The following CADM1 variants were observed in gnomAD, a reference collection of about 807,000 sequenced individuals.
CADM1 encodes the protein cell adhesion molecule 1.
In CADM1, 15 loss-of-function variants were observed where a neutral mutation model predicts 53.1. The observed-to-expected ratio is 0.28, with a 90% CI of 0.19 to 0.44. The LOEUF is 0.44. Among genes scored for constraint, CADM1 ranks in the 20% least tolerant of loss-of-function variants. The probability of loss-of-function intolerance (pLI) is 1.00; values close to 1 mark genes in which losing one functional copy is unlikely to be tolerated. For missense variants in CADM1, 434 were observed against 611.3 expected (o/e 0.71, Z 3.06); for synonymous variants, 281 against 243.0 (o/e 1.16, Z -1.45).
chr11:115,357,192 C>G (rs960797268), intron 1 of CADM1, among the ~76,000 whole-genome samples: 9 of 152,156 alleles, frequency 5.9e-5, no homozygotes, highest in African/African-American at 2.2e-4. Flanking sequence ...GAAGCCCAGG[C>G]TCCCCCAAAG....
chr11:115,308,000 G>T (rs1362384849), intron 1 of CADM1, among the ~76,000 whole-genome samples: 5 of 151,624 alleles, frequency 3.3e-5, no homozygotes. Flanking sequence ...ATAAAGATCT[G>T]CTACTTCTGA....
intron 1 of CADM1, among the ~76,000 whole-genome samples, chr11:115,293,672 A>T (rs1212252761): frequency 6.6e-6 from 1 of 152,174 alleles, no homozygotes; most frequent in Non-Finnish European, 1.5e-5. Flanking sequence ...AGACAACCAC[A>T]GTAGTTTTTG....
At chr11:115,242,538 C>T (rs1942275387) in intron 1 of CADM1, among the ~76,000 whole-genome samples, 3 of 151,956 alleles carry the variant, frequency 2.0e-5, no homozygotes, top group Admixed American at 1.3e-4. Context: ...GAAAAGCTAC[C>T]ACTCTCACAG....
chr11:115,208,089 C>T (rs1369029298), intron 8 of CADM1, among the ~76,000 whole-genome samples: 1 of 152,138 alleles, frequency 6.6e-6, no homozygotes, highest in Non-Finnish European at 1.5e-5. Flanking sequence ...ACTGAGTTTA[C>T]TTAAGTTTAC....
intron 10 of CADM1, among the ~76,000 whole-genome samples, chr11:115,182,943 C>G (rs1363319653): frequency 2.0e-5 from 3 of 152,166 alleles, no homozygotes; most frequent in African/African-American, 7.2e-5. Context: ...TTAAGTTGGC[C>G]ACTACTGCTT....
intron 1 of CADM1, among the ~76,000 whole-genome samples, chr11:115,413,050 T>C (rs759018007): frequency 6.6e-6 from 1 of 152,186 alleles, no homozygotes; most frequent in Non-Finnish European, 1.5e-5. Context: ...GCCATTAAAT[T>C]ATTTACTTTC....
chr11:115,310,902 A>G (rs1260907372), intron 1 of CADM1, among the ~76,000 whole-genome samples: 1 of 152,194 alleles, frequency 6.6e-6, no homozygotes, highest in African/African-American at 2.4e-5. Context: ...TGGGTAACAT[A>G]AAAGTCTGTG....
chr11:115,174,241 T>C lies in CADM1; in HGVS notation c.*2233A>G. 1.0e-6 allele frequency: 1 copy of C among 985,012 alleles called. No individual in the cohort carries two copies. Among genetic ancestry groups the C allele is most frequent in the South Asian group, 4.7e-5 (1 of 21,258 alleles). The allele number at this position is 985,012 out of a possible 1,614,324, so 61.0% of individuals were successfully genotyped here. Reference sequence around the variant, plus strand: ...AAGATGGGAGGTCCCAAAAATGAGATGCCAATTCTGTGAGCAATGGTGTGA... The same window carrying C: ...AAGATGGGAGGTCCCAAAAATGAGACGCCAATTCTGTGAGCAATGGTGTGA... On this transcript the variant is annotated 3_prime_UTR_variant, in exon 12 of 12. Transcript: ENST00000331581.
At chr11:115,282,614 G>T (rs1300065907) in intron 1 of CADM1, among the ~76,000 whole-genome samples, 1 of 152,130 alleles carries the variant, frequency 6.6e-6, no homozygotes, top group African/African-American at 2.4e-5. Flanking sequence ...GCTCTCTGGG[G>T]AGCTGTGATG....
Position 115,176,539 on chromosome 11 carries a change from T to G in CADM1, c.1351A>C (p.Thr451Pro). 6.2e-7 allele frequency: 1 copy of G among 1,614,182 alleles called. No homozygotes were observed. The highest frequency in any genetic ancestry group is 8.5e-7 in the Non-Finnish European group (1 of 1,180,012). The change falls in exon 12 of 12, where the codon ACA (threonine) becomes CCA (proline). Residue 451 changes from threonine to proline, a missense_variant. Thr to Pro is a conservative substitution (Grantham distance 38, BLOSUM62 -1). Coordinates refer to ENST00000331581, the MANE Select transcript of CADM1 (RefSeq NM_001301043.2). The stretch of plus-strand genomic sequence containing the variant: ...CCTCCTTCTGCATTGATTATAGCTG[T>G]GTCTGCGTCTGCTGCGTCATCGGCT... ...KGADDAADADTAIINAEGGQN... is the reference protein window; with the variant it reads ...KGADDAADADPAIINAEGGQN...
chr11:115,215,634 T>C (rs1439488670), intron 6 of CADM1, among the ~76,000 whole-genome samples: 1 of 152,216 alleles, frequency 6.6e-6, no homozygotes, highest in Non-Finnish European at 1.5e-5. Context: ...GCCACATTTG[T>C]ATCCATCAGG....
chr11:115,317,289 C>T (rs765020074), intron 1 of CADM1, among the ~76,000 whole-genome samples: 3 of 152,136 alleles, frequency 2.0e-5, no homozygotes, highest in Non-Finnish European at 4.4e-5. Flanking sequence ...AAACTGAATA[C>T]ACAACACCTG....
At chr11:115,373,853 T>C (rs1946374473) in intron 1 of CADM1, among the ~76,000 whole-genome samples, 2 of 152,192 alleles carry the variant, frequency 1.3e-5, no homozygotes, top group Admixed American at 1.3e-4. Flanking sequence ...TCTCCAATGC[T>C]GGTGTCAGGA....
chr11:115,402,392 G>A (rs1266251434), intron 1 of CADM1, among the ~76,000 whole-genome samples: 1 of 152,078 alleles, frequency 6.6e-6, no homozygotes, highest in Non-Finnish European at 1.5e-5. Context: ...GTGTGGTGGT[G>A]CGTGCCTGTA....
chr11:115,310,323 AAACAG>A (rs1944498109), intron 1 of CADM1, among the ~76,000 whole-genome samples: 1 of 152,096 alleles, frequency 6.6e-6, no homozygotes, highest in African/African-American at 2.4e-5. Context: ...CTGCCTTCTT[AAACAG>A]AGTGAAAAAA....
intron 1 of CADM1, among the ~76,000 whole-genome samples, chr11:115,329,763 C>T (rs1453227069): frequency 2.0e-5 from 3 of 152,034 alleles, no homozygotes; most frequent in Non-Finnish European, 4.4e-5. Flanking sequence ...ATGGTAAATG[C>T]GGAGGATTTT....
intron 1 of CADM1, among the ~76,000 whole-genome samples, chr11:115,407,237 G>A (rs1303270398): frequency 6.6e-6 from 1 of 152,128 alleles, no homozygotes; most frequent in Non-Finnish European, 1.5e-5. Context: ...AAGACTGCGG[G>A]TGCTATTGGT....
Position 115,474,989 on chromosome 11 carries a change from T to C in CADM1, c.124+29282A>G, listed in dbSNP as rs1271466689. Among the ~76,000 whole-genome samples, 8 of 152,240 alleles carry C rather than the reference T, an allele frequency of 5.3e-5. No individual in the cohort carries two copies. In the East Asian group the frequency reaches 1.5e-3, roughly 29 times the overall value. ...TATATATTGTGGTGGGAAAACAAAA[T>C]GGTACAGTCACTCTAGAAAATAGTT... On this transcript the variant is annotated intron_variant, in intron 1 of 11. Coordinates refer to ENST00000331581, the MANE Select transcript of CADM1 (RefSeq NM_001301043.2).
chr11:115,188,126 A>G (rs936973895), intron 10 of CADM1, among the ~76,000 whole-genome samples: 1 of 152,220 alleles, frequency 6.6e-6, no homozygotes, highest in African/African-American at 2.4e-5. Flanking sequence ...TGCTGAAGGG[A>G]GAGAGGCAGT....
Sources: allele counts gnomAD v4.1 joint callset (sites outside exome capture counted in the v4.1 genomes callset), GRCh38; gene constraint gnomAD v4.1.1; transcripts MANE v1.5; gene names NCBI Gene and HGNC (gene_info 2026-07-23, HGNC 2026-07-21).